PPARD: variants seen among roughly 807,000 people sequenced by gnomAD.
The protein encoded by PPARD is peroxisome proliferator-activated receptor delta.
A neutral mutation model predicts 39.5 loss-of-function variants in PPARD; 6 were observed. That is an observed-to-expected ratio of 0.15 (90% CI 0.08 to 0.30). The LOEUF (loss-of-function observed/expected upper bound fraction) is 0.30, where lower values mean the gene tolerates loss of function less well. Among genes scored for constraint, PPARD ranks in the 10% least tolerant of loss-of-function variants. PPARD has a pLI of 1.00. For missense variants in PPARD, 397 were observed against 596.8 expected (o/e 0.67, Z 3.49); for synonymous variants, 210 against 231.3 (o/e 0.91, Z 0.83).
intron 2 of PPARD, among the ~76,000 whole-genome samples, chr6:35,354,980 G>A (rs537088537): frequency 6.6e-6 from 1 of 152,200 alleles, no homozygotes; most frequent in East Asian, 1.9e-4. Flanking sequence ...TTTCTTCCCT[G>A]TGAGGATTAA....
intron 2 of PPARD, chr6:35,348,339 G>A: frequency 1.0e-6 from 1 of 985,372 alleles, no homozygotes; most frequent in Non-Finnish European, 1.2e-6. Flanking sequence ...ATAACACACA[G>A]AATTGTTTCT....
intron 2 of PPARD, among the ~76,000 whole-genome samples, chr6:35,350,452 C>T (rs1413205225): frequency 3.9e-5 from 6 of 152,132 alleles, no homozygotes; most frequent in Admixed American, 3.9e-4. Flanking sequence ...GGTCTAGTTT[C>T]ATTCATCTCC....
chr6:35,408,262 G>T (rs1765185980), intron 2 of PPARD, among the ~76,000 whole-genome samples: 1 of 152,226 alleles, frequency 6.6e-6, no homozygotes, highest in Non-Finnish European at 1.5e-5. Flanking sequence ...GTAGATTTCT[G>T]TTCACATATT....
intron 2 of PPARD, among the ~76,000 whole-genome samples, chr6:35,405,987 T>C (rs1765023282): frequency 5.3e-5 from 8 of 151,884 alleles, no homozygotes; most frequent in Admixed American, 5.3e-4. Flanking sequence ...AGTGCAGCAG[T>C]GCGATCTTGG....
At chr6:35,383,548 C>CG (rs1424529486) in intron 2 of PPARD, among the ~76,000 whole-genome samples, 1 of 146,096 alleles carries the variant, frequency 6.8e-6, no homozygotes, top group African/African-American at 2.7e-5. Context: ...AGGTGAGGAG[C>CG]GTCTCCGACC....
At chr6:35,387,716 CTTTT>C (rs61314141) in intron 2 of PPARD, among the ~76,000 whole-genome samples, 5 of 89,314 alleles carry the variant, frequency 5.6e-5, no homozygotes, top group Admixed American at 1.4e-4. Flanking sequence ...ACACTGCATT[CTTTT>C]TTTTTTTTTT....
At position 35,407,017 on chromosome 6, in the gene PPARD, C is replaced by T. The variant is rs983843103; in HGVS notation, c.-101-3970C>T. Among the ~76,000 whole-genome samples the T allele has an allele frequency of 7.2e-5, 11 of 152,234 alleles. No individual in the cohort carries two copies. The East Asian group carries it at 1.2e-3, about 16-fold the overall frequency. On this transcript the variant is annotated intron_variant, in intron 2 of 7. Transcript: ENST00000360694. Reference sequence around the variant, plus strand: ...CCTATAAGGCCTTAATGGGGGCTGGCGAGGCTTGAGTGGGAGCGTGACGCA... The same window carrying T: ...CCTATAAGGCCTTAATGGGGGCTGGTGAGGCTTGAGTGGGAGCGTGACGCA...
chr6:35,354,423 C>T (rs1190535047), intron 2 of PPARD, among the ~76,000 whole-genome samples: 1 of 150,852 alleles, frequency 6.6e-6, no homozygotes, highest in Non-Finnish European at 1.5e-5. Context: ...GCCTCAGCCT[C>T]CTGAGTAGCT....
intron 2 of PPARD, among the ~76,000 whole-genome samples, chr6:35,399,331 C>T (rs1422945854): frequency 7.2e-6 from 1 of 138,980 alleles, no homozygotes; most frequent in Non-Finnish European, 1.5e-5. Flanking sequence ...ACCGGGGAGG[C>T]AGAGTTTGCA....
At chr6:35,405,818 T>C (rs981474824) in intron 2 of PPARD, among the ~76,000 whole-genome samples, 1 of 151,696 alleles carries the variant, frequency 6.6e-6, no homozygotes, top group Non-Finnish European at 1.5e-5. Flanking sequence ...TTAGTAGAGA[T>C]GGGGTTTCAC....
At chr6:35,394,355 T>A (rs1318292095) in intron 2 of PPARD, among the ~76,000 whole-genome samples, 1 of 152,272 alleles carries the variant, frequency 6.6e-6, no homozygotes, top group Non-Finnish European at 1.5e-5. Context: ...CTTGAGGTAG[T>A]CTTCTTCAGC....
Position 35,425,834 on chromosome 6 carries a change from C to T in PPARD, c.1081C>T (p.Arg361Trp). The T allele has an allele frequency of 1.2e-6, 2 of 1,613,796 alleles. No individual in the cohort carries two copies. The highest frequency in any genetic ancestry group is 8.5e-7 in the Non-Finnish European group (1 of 1,179,928). ...TGGCGTGCCCTGTGTCCCCACAGACCGGCCAGGCCTCATGAACGTTCCACG... is the reference window on the plus strand; with the variant it reads ...TGGCGTGCCCTGTGTCCCCACAGACTGGCCAGGCCTCATGAACGTTCCACG... ...FIAAIILCGD[R>W]PGLMNVPRVE... The change falls in exon 8 of 8, where the codon CGG (arginine) becomes TGG (tryptophan). Residue 361 changes from arginine (R) to tryptophan (W), a missense_variant and splice_region_variant. Physicochemically the swap from Arg to Trp is moderately radical, Grantham distance 101. Coordinates refer to ENST00000360694, the MANE Select transcript of PPARD (RefSeq NM_006238.5). The surrounding 1 kb of genome is among the most constrained non-coding windows in gnomAD (Gnocchi z 4.5).
At chr6:35,369,281 T>A (rs555563984) in intron 2 of PPARD, among the ~76,000 whole-genome samples, 1 of 152,332 alleles carries the variant, frequency 6.6e-6, no homozygotes, top group South Asian at 2.1e-4. Flanking sequence ...ATATTGAATG[T>A]TACTTTTTAG....
intron 1 of PPARD, among the ~76,000 whole-genome samples, chr6:35,345,589 C>T (rs1792121329): frequency 6.6e-6 from 1 of 152,212 alleles, no homozygotes. Context: ...CTCCTTGCCT[C>T]TTCACCATGG....
chr6:35,391,390 A>C (rs1336518292), intron 2 of PPARD, among the ~76,000 whole-genome samples: 1 of 152,252 alleles, frequency 6.6e-6, no homozygotes, highest in African/African-American at 2.4e-5. Flanking sequence ...TCCACATTCC[A>C]TATCTGTTGG....
At chr6:35,411,362 C>T in intron 3 of PPARD, 145 bp downstream of exon 3, 1 of 1,067,830 alleles carries the variant, frequency 9.4e-7, no homozygotes, top group African/African-American at 1.6e-5. Flanking sequence ...GGTTCACGCC[C>T]AGTGCGGTGG....
intron 2 of PPARD, among the ~76,000 whole-genome samples, chr6:35,393,744 T>C (rs1325429150): frequency 6.6e-6 from 1 of 152,220 alleles, no homozygotes; most frequent in Non-Finnish European, 1.5e-5. Flanking sequence ...AACCTCTTGT[T>C]TTATCTGTCC....
chr6:35,369,301 T>G (rs1762361427), intron 2 of PPARD, among the ~76,000 whole-genome samples: 1 of 152,216 alleles, frequency 6.6e-6, no homozygotes. Context: ...GCAGTTTTGT[T>G]GAGATGTAAG....
Position 35,379,264 on chromosome 6 carries a change from C to T in PPARD, c.-101-31723C>T, listed in dbSNP as rs181452702. On this transcript the variant is annotated intron_variant, in intron 2 of 7. Transcript: ENST00000360694. ...GGTTACAGGCATCCGCCACCACGCT[C>T]GGCTAATTTTTGTATTTTTAGTAGA... Among the ~76,000 whole-genome samples the T allele has an allele frequency of 5.5e-3, 837 of 152,040 alleles. 7 individuals are homozygous for T. The highest frequency in any genetic ancestry group is 0.014 in the African/African-American group (586 of 41,474).
Sources: allele counts gnomAD v4.1 joint callset (sites outside exome capture counted in the v4.1 genomes callset), GRCh38; gene constraint gnomAD v4.1.1; non-coding constraint Gnocchi (gnomAD v3.1); transcripts MANE v1.5; gene names NCBI Gene and HGNC (gene_info 2026-07-23, HGNC 2026-07-21).